The following PHF21A variants were observed in gnomAD, a reference collection of about 807,000 sequenced individuals.
The protein encoded by PHF21A is BHC80a.
PHF21A carries 11 observed loss-of-function variants against 82.5 expected under a neutral mutation model. That is an observed-to-expected ratio of 0.13 (90% confidence interval 0.08 to 0.22). The LOEUF is 0.22. Ranked by LOEUF, PHF21A falls within the 10% of genes least tolerant of loss-of-function variation. PHF21A has a pLI of 1.00. For synonymous variants in PHF21A, 297 were observed against 302.8 expected (o/e 0.98, Z 0.20); for missense variants, 579 against 837.8 (o/e 0.69, Z 3.81).
At chr11:46,077,973 A>C (rs188935961) in intron 5 of PHF21A, among the ~76,000 whole-genome samples, 1 of 152,234 alleles carries the variant, frequency 6.6e-6, no homozygotes, top group Non-Finnish European at 1.5e-5. Flanking sequence ...GTGCAGTGAC[A>C]AGATCTTGGC....
chr11:46,112,865 C>T (rs1316616029), intron 1 of PHF21A, among the ~76,000 whole-genome samples: 1 of 152,156 alleles, frequency 6.6e-6, no homozygotes, highest in Non-Finnish European at 1.5e-5. Flanking sequence ...TCGCCACATG[C>T]ATAAAAATAA....
intron 7 of PHF21A, among the ~76,000 whole-genome samples, chr11:45,974,907 T>C (rs2093953442): frequency 6.6e-6 from 1 of 152,234 alleles, no homozygotes; most frequent in Admixed American, 6.5e-5. Flanking sequence ...TAGAAGTTAA[T>C]GCAGAAATAC....
intron 1 of PHF21A, among the ~76,000 whole-genome samples, chr11:46,111,196 T>A (rs2097209910): frequency 6.8e-6 from 1 of 146,132 alleles, no homozygotes; most frequent in Non-Finnish European, 1.5e-5. Context: ...GGGCCAGGCG[T>A]GGTGGCTCAC....
At chr11:45,956,988 T>C (rs188310009) in intron 10 of PHF21A, among the ~76,000 whole-genome samples, 1 of 152,280 alleles carries the variant, frequency 6.6e-6, no homozygotes, top group Admixed American at 6.5e-5. Flanking sequence ...GCTATAGTAC[T>C]ATTAGACAAA....
At chr11:45,964,663 C>T (rs2093326869) in intron 10 of PHF21A, among the ~76,000 whole-genome samples, 1 of 152,094 alleles carries the variant, frequency 6.6e-6, no homozygotes, top group Non-Finnish European at 1.5e-5. Context: ...CCTATAAATC[C>T]TTCTTGTTTT....
intron 6 of PHF21A, among the ~76,000 whole-genome samples, chr11:46,067,165 C>T (rs1190610926): frequency 6.6e-6 from 1 of 152,058 alleles, no homozygotes; most frequent in Non-Finnish European, 1.5e-5. Flanking sequence ...GTGGGGATTT[C>T]TGTACTATGT....
intron 6 of PHF21A, among the ~76,000 whole-genome samples, chr11:45,989,053 G>C (rs544216978): frequency 2.3e-4 from 35 of 152,150 alleles, no homozygotes; most frequent in African/African-American, 6.5e-4. Flanking sequence ...GACACCCCTC[G>C]TCAAACAACA....
chr11:45,998,629 C>T (rs1397594008), intron 6 of PHF21A, among the ~76,000 whole-genome samples: 1 of 151,942 alleles, frequency 6.6e-6, no homozygotes, highest in Non-Finnish European at 1.5e-5. Flanking sequence ...TCTCCTGCCT[C>T]AGCCTCCCGA....
chr11:45,974,578 T>C (rs146039628), intron 7 of PHF21A, among the ~76,000 whole-genome samples: 1 of 151,940 alleles, frequency 6.6e-6, no homozygotes, highest in African/African-American at 2.4e-5. Context: ...CTCATTCTCC[T>C]GAGTACCTTG....
chr11:46,032,024 C>T (rs534011454), intron 6 of PHF21A, among the ~76,000 whole-genome samples: 1 of 152,266 alleles, frequency 6.6e-6, no homozygotes, highest in Non-Finnish European at 1.5e-5. Context: ...TAATTTAAAA[C>T]ACAGTCAAAG....
At chr11:46,089,295 T>C (rs188181739) in intron 3 of PHF21A, among the ~76,000 whole-genome samples, 5 of 152,304 alleles carry the variant, frequency 3.3e-5, no homozygotes, top group East Asian at 1.9e-4. Flanking sequence ...GTATCTAATA[T>C]GTAGGTAGAT....
At position 45,932,278 on chromosome 11, in the gene PHF21A, A is replaced by C. The variant is rs916513413; in HGVS notation, c.*1690T>G. 6.6e-6 allele frequency: 1 copy of C among 152,288 alleles called. No homozygotes were observed. The highest frequency in any genetic ancestry group is 2.4e-5 in the African/African-American group (1 of 41,464). 9.4% of individuals were successfully genotyped at this position (152,288 alleles called of 1,614,324 possible). A position where few individuals can be genotyped will look rare whatever the true frequency, so the allele number is the denominator to read the frequency against. ...TGGCTGAAAGACCAAAAGCAGCACC[A>C]AAGGAAGGGATCTTATTTAGGCACC... On this transcript the variant is annotated 3_prime_UTR_variant, in exon 19 of 19. Coordinates refer to ENST00000676320, the MANE Select transcript of PHF21A (RefSeq NM_001352027.3). This position sits in a 1 kb window ranked among gnomAD's most constrained non-coding sequence, Gnocchi z 4.3.
rs117500352 is a variant in PHF21A at position 46,059,174 on chromosome 11, T to C, written c.153+17580A>G. 6.0e-3 allele frequency among the ~76,000 whole-genome samples: 909 copies of C among 152,240 alleles called. 8 individuals carry two copies. Among genetic ancestry groups the C allele is most frequent in the Middle Eastern group, 0.031 (9 of 294 alleles). On this transcript the variant is annotated intron_variant, in intron 6 of 18. Coordinates refer to ENST00000676320, the MANE Select transcript of PHF21A (RefSeq NM_001352027.3). ...AAATAATCAAAATTACGTACAAATA[T>C]TTACGTCCAAGGATGTACACTGCAG... is the stretch of plus-strand genomic sequence containing the variant.
At position 45,936,392 on chromosome 11, in the gene PHF21A, T is replaced by A. The variant is rs1198253742; in HGVS notation, c.1684+102A>T. On this transcript the variant is annotated intron_variant, in intron 17 of 18. Coordinates refer to ENST00000676320, the MANE Select transcript of PHF21A (RefSeq NM_001352027.3). ...AATAGTTAAGGGCAAAAGGTTTTCA[T>A]TTTTAAATTTAAATTCCCTTTTGAG... 9 of 743,580 alleles carry A rather than the reference T, an allele frequency of 1.2e-5. No individual in the cohort carries two copies. In the Admixed American group the frequency reaches 2.2e-4, roughly 18 times the overall value. 46.1% of individuals were successfully genotyped at this position (743,580 alleles called of 1,614,324 possible).
At chr11:45,990,021 G>T (rs1488591444) in intron 6 of PHF21A, among the ~76,000 whole-genome samples, 1 of 151,964 alleles carries the variant, frequency 6.6e-6, no homozygotes, top group Non-Finnish European at 1.5e-5. Flanking sequence ...TTAAAAGAAA[G>T]AGAATTTTTT....
At chr11:46,057,448 T>C (rs562653063) in intron 6 of PHF21A, among the ~76,000 whole-genome samples, 3 of 152,272 alleles carry the variant, frequency 2.0e-5, no homozygotes, top group African/African-American at 7.2e-5. Context: ...GGGCTTAATT[T>C]TCCCAATGAA....
At position 46,043,428 on chromosome 11, in the gene PHF21A, C is replaced by T. The variant is rs541805152; in HGVS notation, c.153+33326G>A. 1.7e-4 allele frequency among the ~76,000 whole-genome samples: 26 copies of T among 152,280 alleles called. No homozygotes were observed. The East Asian group carries it at 4.6e-3, about 27-fold the overall frequency. ...CCTCAAATTAATCCTTTCTGGTTAA[C>T]ATACTACCTTCTATATCTAGAAAAG... On this transcript the variant is annotated intron_variant, in intron 6 of 18. Transcript: ENST00000676320.
intron 6 of PHF21A, among the ~76,000 whole-genome samples, chr11:45,985,468 T>C (rs1403024721): frequency 6.6e-6 from 1 of 152,188 alleles, no homozygotes; most frequent in Non-Finnish European, 1.5e-5. Flanking sequence ...AAACTCAAGA[T>C]AAACTCCCTC....
chr11:46,094,560 A>G (rs924668807), intron 1 of PHF21A, among the ~76,000 whole-genome samples: 12 of 152,242 alleles, frequency 7.9e-5, no homozygotes, highest in African/African-American at 2.9e-4. Flanking sequence ...AAGTCTGCAC[A>G]TAAAGTTTTA....
Sources: allele counts gnomAD v4.1 joint callset (sites outside exome capture counted in the v4.1 genomes callset), GRCh38; gene constraint gnomAD v4.1.1; non-coding constraint Gnocchi (gnomAD v3.1); transcripts MANE v1.5; gene names NCBI Gene and HGNC (gene_info 2026-07-23, HGNC 2026-07-21).